Variants in GULP1 observed in about 807,000 individuals in gnomAD.
The protein encoded by GULP1 is PTB domain-containing engulfment adapter protein 1.
Under a neutral mutation model 40.9 loss-of-function variants are expected in GULP1, and 19 were observed. That is an observed-to-expected ratio of 0.46 (90% confidence interval 0.32 to 0.68). The LOEUF is 0.68. Ranked by LOEUF, GULP1 falls within the 30% of genes least tolerant of loss-of-function variation. The pLI is 0.03. For synonymous variants in GULP1, 119 were observed against 117.6 expected (o/e 1.01, Z -0.08); for missense variants, 312 against 362.2 (o/e 0.86, Z 1.12).
At chr2:188,344,717 G>A (rs1484815300) in intron 1 of GULP1, among the ~76,000 whole-genome samples, 1 of 152,070 alleles carries the variant, frequency 6.6e-6, no homozygotes, top group Non-Finnish European at 1.5e-5. Flanking sequence ...TCTTTTCCTT[G>A]GTGACCATTC....
intron 1 of GULP1, among the ~76,000 whole-genome samples, chr2:188,371,352 A>G (rs2047575885): frequency 6.6e-6 from 1 of 152,170 alleles, no homozygotes; most frequent in African/African-American, 2.4e-5. Context: ...CACTATCAAT[A>G]AAAACTTACA....
At chr2:188,386,151 G>A (rs1408877336) in intron 2 of GULP1, among the ~76,000 whole-genome samples, 1 of 152,188 alleles carries the variant, frequency 6.6e-6, no homozygotes, top group Non-Finnish European at 1.5e-5. Context: ...TGGACTTACA[G>A]TTCCATGTGG....
intron 2 of GULP1, among the ~76,000 whole-genome samples, chr2:188,430,028 A>G (rs751706279): frequency 2.0e-5 from 3 of 152,290 alleles, no homozygotes; most frequent in Non-Finnish European, 2.9e-5. Context: ...AAAATTTTAC[A>G]ACCTTACAGT....
intron 1 of GULP1, among the ~76,000 whole-genome samples, chr2:188,333,503 G>A (rs549471494): frequency 6.6e-6 from 1 of 152,150 alleles, no homozygotes; most frequent in African/African-American, 2.4e-5. Context: ...TAGTAATTAT[G>A]TACAGCATCT....
At position 188,419,245 on chromosome 2, in the gene GULP1, G is replaced by GT. The variant is rs199928066; in HGVS notation, c.-45+35365dup. Among the ~76,000 whole-genome samples, 554 of 151,294 alleles carry GT rather than the reference G, an allele frequency of 3.7e-3. 4 individuals are homozygous for GT. The highest frequency in any genetic ancestry group is 0.013 in the African/African-American group (517 of 41,154). On this transcript the variant is annotated intron_variant, in intron 2 of 11. Coordinates refer to ENST00000409830, the MANE Select transcript of GULP1 (RefSeq NM_016315.4). ...GTATTAATTTCTAGAACATATAATA[G>GT]TTTTTTTTTAAGTTGTTTGAGAAAC...
At chr2:188,506,794 G>A (rs73042420) in intron 4 of GULP1, among the ~76,000 whole-genome samples, 3,542 of 151,984 alleles carry the variant, frequency 0.023, 127 homozygotes, top group African/African-American at 0.08. Flanking sequence ...AAAAGTAAGC[G>A]CCTTAATGTC....
chr2:188,327,688 A>G (rs1400199403), intron 1 of GULP1, among the ~76,000 whole-genome samples: 1 of 152,084 alleles, frequency 6.6e-6, no homozygotes, highest in South Asian at 2.1e-4. Context: ...CTTTTAGTGT[A>G]AAAAATGGTG....
intron 1 of GULP1, among the ~76,000 whole-genome samples, chr2:188,355,598 TA>T (rs2045182875): frequency 6.6e-6 from 1 of 152,022 alleles, no homozygotes; most frequent in Admixed American, 6.6e-5. Flanking sequence ...ACCAAACTTG[TA>T]AAGAAGAAAT....
intron 3 of GULP1, among the ~76,000 whole-genome samples, chr2:188,482,896 A>T (rs2061549478): frequency 6.6e-6 from 1 of 151,870 alleles, no homozygotes; most frequent in African/African-American, 2.4e-5. Context: ...TCATAATATT[A>T]TATTGATTTC....
chr2:188,417,729 CAA>C (rs1444243646), intron 2 of GULP1, among the ~76,000 whole-genome samples: 1 of 152,146 alleles, frequency 6.6e-6, no homozygotes, highest in Non-Finnish European at 1.5e-5. Context: ...TCCTCATTGA[CAA>C]AGAGTAGATT....
chr2:188,587,804 T>G (rs1246900423), intron 10 of GULP1, 51 bp from the exon 11 acceptor site: 1 of 970,924 alleles, frequency 1.0e-6, no homozygotes, highest in Non-Finnish European at 1.6e-6. Context: ...TCTAACTAAC[T>G]CCAGCTCACT....
At chr2:188,418,524 G>T (rs1431227852) in intron 2 of GULP1, among the ~76,000 whole-genome samples, 1 of 151,958 alleles carries the variant, frequency 6.6e-6, no homozygotes, top group Non-Finnish European at 1.5e-5. Context: ...TCCCAGCTAC[G>T]CAGGAGGCTG....
At chr2:188,379,818 G>A (rs959539704) in intron 1 of GULP1, among the ~76,000 whole-genome samples, 2 of 152,074 alleles carry the variant, frequency 1.3e-5, no homozygotes, top group African/African-American at 4.8e-5. Flanking sequence ...TGAAGATGGC[G>A]TGTTCGTTCT....
rs528403259 is a variant in GULP1 at position 188,485,718 on chromosome 2, T to G, written c.90+2226T>G. Among the ~76,000 whole-genome samples, 12 of 152,174 alleles carry G rather than the reference T, an allele frequency of 7.9e-5. 1 individual carries two copies. The highest frequency in any genetic ancestry group is 6.8e-3 in the Middle Eastern group (2 of 294). On this transcript the variant is annotated intron_variant, in intron 4 of 11. Transcript: ENST00000409830. ...TTGCTTAACCTTTCTATGTCTGTGA[T>G]TACTCATCAGTAAATAGGGATAGTA...
At chr2:188,569,485 C>T (rs180861188) in intron 8 of GULP1, 130 bp downstream of exon 8, 126 of 687,946 alleles carry the variant, frequency 1.8e-4, no homozygotes, top group Non-Finnish European at 1.2e-4. Flanking sequence ...CTGCTTTCAC[C>T]GTGTTCCCAT....
chr2:188,433,223 G>A (rs2057071437), intron 2 of GULP1, among the ~76,000 whole-genome samples: 2 of 152,016 alleles, frequency 1.3e-5, no homozygotes, highest in Admixed American at 6.6e-5. Flanking sequence ...AAACTGACTG[G>A]GTTGCTCCAA....
intron 1 of GULP1, among the ~76,000 whole-genome samples, chr2:188,350,303 A>T (rs2044269085): frequency 6.6e-6 from 1 of 152,120 alleles, no homozygotes; most frequent in African/African-American, 2.4e-5. Flanking sequence ...TTGCCATTTT[A>T]ACAATATTAA....
intron 2 of GULP1, among the ~76,000 whole-genome samples, chr2:188,407,127 T>C (rs914563407): frequency 7.2e-5 from 11 of 152,150 alleles, no homozygotes; most frequent in African/African-American, 2.7e-4. Flanking sequence ...GGAAAAAAAC[T>C]GCCAACCAAG....
intron 2 of GULP1, among the ~76,000 whole-genome samples, chr2:188,441,448 CCTCTAA>C (rs2057926321): frequency 6.6e-6 from 1 of 152,164 alleles, no homozygotes; most frequent in African/African-American, 2.4e-5. Flanking sequence ...GCTTTGCCCT[CCTCTAA>C]ATCCAGCAGT....
Sources: allele counts gnomAD v4.1 joint callset (sites outside exome capture counted in the v4.1 genomes callset), GRCh38; gene constraint gnomAD v4.1.1; transcripts MANE v1.5; gene names NCBI Gene and HGNC (gene_info 2026-07-23, HGNC 2026-07-21).